PRKAG2: variants seen among roughly 807,000 people sequenced by gnomAD.
PRKAG2 encodes 5'-AMP-activated protein kinase subunit gamma-2.
Under a neutral mutation model 69.6 loss-of-function variants are expected in PRKAG2, and 26 were observed. The observed-to-expected ratio is 0.37, with a 90% confidence interval of 0.27 to 0.52. PRKAG2 has a LOEUF of 0.52. PRKAG2 is among the 20% of genes least tolerant of loss of function. The pLI is 0.90. For missense variants in PRKAG2, 557 were observed against 740.0 expected (o/e 0.75, Z 2.87); for synonymous variants, 293 against 285.0 (o/e 1.03, Z -0.28).
intron 5 of PRKAG2, among the ~76,000 whole-genome samples, chr7:151,601,542 T>C (rs1816066505): frequency 1.3e-5 from 2 of 152,178 alleles, no homozygotes; most frequent in African/African-American, 4.8e-5. Context: ...AAGCAGGTTA[T>C]ACCTTCGTGA....
chr7:151,668,947 C>T (rs117574409), intron 4 of PRKAG2, among the ~76,000 whole-genome samples: 2,817 of 152,318 alleles, frequency 0.018, 36 homozygotes, highest in Non-Finnish European at 0.027. Flanking sequence ...ATTGGAAAAG[C>T]GCTGATCATC....
At chr7:151,696,066 G>A (rs1038797209) in intron 3 of PRKAG2, among the ~76,000 whole-genome samples, 1 of 152,140 alleles carries the variant, frequency 6.6e-6, no homozygotes, top group Non-Finnish European at 1.5e-5. Context: ...ACACATCCCC[G>A]GAAGCCCAGT....
At chr7:151,818,520 C>T (rs373686355) in intron 1 of PRKAG2, among the ~76,000 whole-genome samples, 14 of 152,246 alleles carry the variant, frequency 9.2e-5, no homozygotes, top group South Asian at 2.1e-4. Flanking sequence ...GGCACCAGGC[C>T]GGCAGGGCAG....
intron 11 of PRKAG2, 46 bp from the exon 12 acceptor site, chr7:151,565,931 T>G (rs1177583144): frequency 8.3e-6 from 13 of 1,571,236 alleles, no homozygotes; most frequent in Non-Finnish European, 1.1e-5. Context: ...GAACACACTC[T>G]TGTCATGTTC....
intron 5 of PRKAG2, among the ~76,000 whole-genome samples, chr7:151,603,420 G>C (rs1405468548): frequency 4.3e-5 from 1 of 23,022 alleles, no homozygotes; most frequent in Admixed American, 4.6e-4. Flanking sequence ...CACACGGAGG[G>C]ACACGCTCCA....
At chr7:151,773,355 A>T (rs1430387646) in intron 3 of PRKAG2, among the ~76,000 whole-genome samples, 1 of 152,164 alleles carries the variant, frequency 6.6e-6, no homozygotes, top group Non-Finnish European at 1.5e-5. Context: ...TGGTTTATAG[A>T]TCCCTAAGAT....
chr7:151,874,219 GATGTAT>G (rs1332553959), intron 1 of PRKAG2, among the ~76,000 whole-genome samples: 1 of 121,042 alleles, frequency 8.3e-6, no homozygotes, highest in Non-Finnish European at 1.6e-5. Context: ...ATATGTATAT[GATGTAT>G]ATGTATATGA....
chr7:151,623,740 C>CT (rs1228777236), intron 5 of PRKAG2, among the ~76,000 whole-genome samples: 4 of 152,078 alleles, frequency 2.6e-5, no homozygotes. Flanking sequence ...AAATGAGACT[C>CT]TAAGGTGAAT....
rs953704608 is a variant in PRKAG2 at position 151,850,983 on chromosome 7, G to A, written c.114+25524C>T. Among the ~76,000 whole-genome samples, 1 of 152,056 alleles carries A rather than the reference G, an allele frequency of 6.6e-6. No individual in the cohort carries two copies. Among genetic ancestry groups the A allele is most frequent in the African/African-American group, 2.4e-5 (1 of 41,406 alleles). ...CAGGGGTACCCCTGCTCCCCAACCC[G>A]CAAATGGGTGGTGAGACCTGAGGGA... On this transcript the variant is annotated intron_variant, in intron 1 of 15. Transcript: ENST00000287878. This position sits in a 1 kb window ranked among gnomAD's most constrained non-coding sequence, Gnocchi z 4.1.
At chr7:151,667,616 T>C (rs146474288) in intron 4 of PRKAG2, among the ~76,000 whole-genome samples, 7 of 152,354 alleles carry the variant, frequency 4.6e-5, no homozygotes, top group African/African-American at 1.7e-4. Flanking sequence ...AAACAGATTC[T>C]ACCTTGGATA....
intron 6 of PRKAG2, among the ~76,000 whole-genome samples, chr7:151,592,796 C>T (rs1414718605): frequency 3.3e-5 from 5 of 152,186 alleles, no homozygotes; most frequent in African/African-American, 7.2e-5. Context: ...TTTGGGTACG[C>T]GGCTATTTTG....
chr7:151,876,077 T>A (rs1258577767), intron 1 of PRKAG2, among the ~76,000 whole-genome samples: 6 of 11,648 alleles, frequency 5.2e-4, no homozygotes, highest in African/African-American at 7.3e-4. Flanking sequence ...CCCTCCCCTC[T>A]CCTCCCTCCC....
At chr7:151,728,875 T>C (rs940556127) in intron 3 of PRKAG2, among the ~76,000 whole-genome samples, 1 of 152,130 alleles carries the variant, frequency 6.6e-6, no homozygotes, top group African/African-American at 2.4e-5. Context: ...TTAGTCTTCC[T>C]GACTTAGAGC....
In PRKAG2 at chr7:151,807,611, A is replaced by C; in HGVS notation, c.115-21070T>G. The C allele has an allele frequency of 2.2e-6, 1 of 457,772 alleles. No homozygotes were observed. Among genetic ancestry groups the C allele is most frequent in the Non-Finnish European group, 4.4e-6 (1 of 226,958 alleles). The allele number at this position is 457,772 out of a possible 1,614,324, so 28.4% of individuals were successfully genotyped here. A position where few individuals can be genotyped will look rare whatever the true frequency, so the allele number is the denominator to read the frequency against. ...AGGTAGGAAGAATGATTCGTTTGCC[A>C]CCAAAAGCCCAGTTTCTCCAACAGG... is the stretch of plus-strand genomic sequence containing the variant. On this transcript the variant is annotated intron_variant, in intron 1 of 15. Transcript: ENST00000287878. This position sits in a 1 kb window ranked among gnomAD's most constrained non-coding sequence, Gnocchi z 4.4.
At chr7:151,593,216 C>T (rs1813665451) in intron 6 of PRKAG2, among the ~76,000 whole-genome samples, 1 of 152,206 alleles carries the variant, frequency 6.6e-6, no homozygotes, top group African/African-American at 2.4e-5. Context: ...TTGTTGGAGT[C>T]TTGCTCTGTC....
intron 4 of PRKAG2, among the ~76,000 whole-genome samples, chr7:151,669,701 AG>A (rs1449285369): frequency 7.1e-6 from 1 of 141,210 alleles, no homozygotes; most frequent in Admixed American, 7.4e-5. Flanking sequence ...AATGTGCCAC[AG>A]GCGCCTTATT....
intron 13 of PRKAG2, among the ~76,000 whole-genome samples, chr7:151,565,024 G>A (rs1005026311): frequency 1.3e-5 from 2 of 152,026 alleles, no homozygotes; most frequent in African/African-American, 2.4e-5. Flanking sequence ...CTGCGCACGC[G>A]TCTAGAGGCG....
chr7:151,765,193 GCTC>G (rs1386659777), intron 3 of PRKAG2, among the ~76,000 whole-genome samples: 2 of 152,190 alleles, frequency 1.3e-5, no homozygotes, highest in African/African-American at 4.8e-5. Context: ...AGTTCTGTAG[GCTC>G]TACAGGAAGC....
At position 151,675,270 on chromosome 7, in the gene PRKAG2, A is replaced by ACATT. The variant is rs1430523654; in HGVS notation, c.684+149_684+150insAATG. On this transcript the variant is annotated intron_variant, in intron 4 of 15. Transcript: ENST00000287878. Reference sequence around the variant, plus strand: ...ATTGTGCCCTCACCATTTCTCCCTCAGCCTGTGATTTATGGTACAATATCC... The same window carrying ACATT: ...ATTGTGCCCTCACCATTTCTCCCTCACATTGCCTGTGATTTATGGTACAATATCC... 2.5e-4 allele frequency: 205 copies of ACATT among 829,934 alleles called. 2 individuals carry two copies. In the Middle Eastern group the frequency reaches 8.4e-3, roughly 34 times the overall value. The allele number at this position is 829,934 out of a possible 1,614,324, so 51.4% of individuals were successfully genotyped here.
Sources: allele counts gnomAD v4.1 joint callset (sites outside exome capture counted in the v4.1 genomes callset), GRCh38; gene constraint gnomAD v4.1.1; non-coding constraint Gnocchi (gnomAD v3.1); transcripts MANE v1.5; gene names NCBI Gene and HGNC (gene_info 2026-07-23, HGNC 2026-07-21).